RIT2: variants seen among roughly 807,000 people sequenced by gnomAD.
RIT2 encodes GTP-binding protein Rit2.
In RIT2, 24 loss-of-function variants were observed where a neutral mutation model predicts 23.7. The observed-to-expected ratio is 1.01, with a 90% CI of 0.73 to 1.43. The LOEUF (loss-of-function observed/expected upper bound fraction) is 1.43, where lower values mean the gene tolerates loss of function less well. Among genes scored for constraint, RIT2 ranks in the 40% most tolerant of loss-of-function variants. The pLI, the probability that RIT2 is intolerant of heterozygous loss-of-function variation, is 0.00. For synonymous variants in RIT2, 107 were observed against 91.1 expected, an observed-to-expected ratio of 1.17 and a Z score of -0.99; for missense variants, 236 against 266.9, an observed-to-expected ratio of 0.88 and a Z score of 0.81.
chr18:42,988,216 TAA>T (rs980402416), intron 2 of RIT2, among the ~76,000 whole-genome samples: 1 of 151,278 alleles, frequency 6.6e-6, no homozygotes, highest in African/African-American at 2.4e-5. Flanking sequence ...TACTTTACTT[TAA>T]AAAAAAAGTT....
intron 4 of RIT2, among the ~76,000 whole-genome samples, chr18:42,858,330 C>A (rs1907241020): frequency 6.6e-6 from 1 of 152,188 alleles, no homozygotes; most frequent in Non-Finnish European, 1.5e-5. Context: ...AATCTAAGAG[C>A]TCTCAGGAGT....
chr18:42,903,999 G>T (rs1598707978), intron 4 of RIT2, among the ~76,000 whole-genome samples: 1 of 152,014 alleles, frequency 6.6e-6, no homozygotes, highest in Non-Finnish European at 1.5e-5. Flanking sequence ...AAGGATATTT[G>T]CCCTACAAAA....
At chr18:42,840,642 CA>C (rs1906739769) in intron 4 of RIT2, among the ~76,000 whole-genome samples, 1 of 152,154 alleles carries the variant, frequency 6.6e-6, no homozygotes, top group Non-Finnish European at 1.5e-5. Context: ...GCTGGGATTA[CA>C]GTCATGTGAC....
chr18:43,037,606 A>C (rs2144289167), intron 1 of RIT2, among the ~76,000 whole-genome samples: 1 of 152,226 alleles, frequency 6.6e-6, no homozygotes. Context: ...TTTAAAATTG[A>C]ATATAATAAA....
chr18:42,943,249 GCATTTTACGGAATGCTGATTGGTA>G (rs1453593455), intron 3 of RIT2, among the ~76,000 whole-genome samples: 8 of 152,042 alleles, frequency 5.3e-5, no homozygotes, highest in Non-Finnish European at 1.2e-4. Flanking sequence ...GCTGATTGGT[GCATTTTACGGAATGCTGATTGGTA>G]CATTTTACAG....
At chr18:42,905,005 C>T (rs1450332031) in intron 4 of RIT2, among the ~76,000 whole-genome samples, 1 of 152,002 alleles carries the variant, frequency 6.6e-6, no homozygotes, top group African/African-American at 2.4e-5. Context: ...TAAATTAGTG[C>T]AATTGTTTTG....
chr18:43,034,060 A>G (rs1598755324), intron 1 of RIT2, among the ~76,000 whole-genome samples, 193 bp from the exon 2 acceptor site: 2 of 152,302 alleles, frequency 1.3e-5, no homozygotes, highest in East Asian at 3.9e-4. Context: ...AGATAATGCC[A>G]GATACTTCTC....
At chr18:43,074,227 C>T (rs748331640) in intron 1 of RIT2, among the ~76,000 whole-genome samples, 7 of 152,086 alleles carry the variant, frequency 4.6e-5, no homozygotes, top group Non-Finnish European at 8.8e-5. Flanking sequence ...AAAAATTTTG[C>T]AATTAAACCA....
chr18:42,819,268 C>T (rs1906082907), intron 4 of RIT2, among the ~76,000 whole-genome samples: 1 of 151,978 alleles, frequency 6.6e-6, no homozygotes, highest in South Asian at 2.1e-4. Flanking sequence ...ATGTAAATGC[C>T]ACAGTCCTTG....
intron 4 of RIT2, among the ~76,000 whole-genome samples, chr18:42,904,984 G>T (rs558737505): frequency 6.6e-6 from 1 of 152,090 alleles, no homozygotes; most frequent in Non-Finnish European, 1.5e-5. Context: ...TTATCCCAGA[G>T]GATGTATACA....
chr18:43,072,124 T>G (rs1009140954), intron 1 of RIT2, among the ~76,000 whole-genome samples: 3 of 152,040 alleles, frequency 2.0e-5, no homozygotes, highest in Non-Finnish European at 2.9e-5. Context: ...AAGCTGAGAT[T>G]TCAGGTGAGT....
intron 1 of RIT2, among the ~76,000 whole-genome samples, chr18:43,053,077 T>C (rs1912421199): frequency 6.6e-6 from 1 of 152,090 alleles, no homozygotes; most frequent in Non-Finnish European, 1.5e-5. Context: ...TTCATCCTCT[T>C]ACCTATGGCC....
intron 4 of RIT2, among the ~76,000 whole-genome samples, chr18:42,793,687 G>T (rs1250522005): frequency 1.3e-5 from 2 of 152,042 alleles, no homozygotes; most frequent in East Asian, 3.9e-4. Flanking sequence ...CAGATAAAGA[G>T]AACCCAAAGG....
intron 1 of RIT2, among the ~76,000 whole-genome samples, chr18:43,045,481 C>T (rs1201534292): frequency 6.6e-6 from 1 of 152,144 alleles, no homozygotes; most frequent in Non-Finnish European, 1.5e-5. Context: ...CCAACGTATA[C>T]CCGGGGCTGA....
chr18:43,019,505 A>C (rs553367263), intron 2 of RIT2, among the ~76,000 whole-genome samples: 67 of 152,086 alleles, frequency 4.4e-4, no homozygotes, highest in Admixed American at 1.5e-3. Flanking sequence ...ACAAAAAAAA[A>C]CCCCAAAAAC....
intron 1 of RIT2, among the ~76,000 whole-genome samples, chr18:43,057,301 C>G (rs1912526545): frequency 1.3e-5 from 2 of 152,126 alleles, no homozygotes; most frequent in Admixed American, 1.3e-4. Context: ...AGTTAAATCA[C>G]AGAGGCCTGT....
chr18:42,967,654 G>A (rs1198622753), intron 3 of RIT2, among the ~76,000 whole-genome samples: 1 of 144,072 alleles, frequency 6.9e-6, no homozygotes, highest in Non-Finnish European at 1.5e-5. Flanking sequence ...GCCTCCCAAA[G>A]TACTGGGATT....
At chr18:43,018,861 A>G (rs970185044) in intron 2 of RIT2, among the ~76,000 whole-genome samples, 4 of 152,050 alleles carry the variant, frequency 2.6e-5, no homozygotes, top group African/African-American at 9.7e-5. Flanking sequence ...ATACAAAAGT[A>G]TAAATCACTG....
chr18:42,750,467 C>T (rs1355556581), intron 4 of RIT2, among the ~76,000 whole-genome samples: 1 of 151,730 alleles, frequency 6.6e-6, no homozygotes, highest in Non-Finnish European at 1.5e-5. Flanking sequence ...TAAATAAATG[C>T]ATTGTGAAAC....
Sources: gnomAD v4.1 joint callset for allele counts (sites outside exome capture counted in the v4.1 genomes callset) on GRCh38, gnomAD v4.1.1 for gene constraint, MANE v1.5 for transcripts, NCBI Gene and HGNC (gene_info 2026-07-23, HGNC 2026-07-21) for gene names.